The following ADGRB3 variants were observed in gnomAD, a reference collection of about 807,000 sequenced individuals.
The protein encoded by ADGRB3 is brain-specific angiogenesis inhibitor 3.
ADGRB3 carries 37 observed loss-of-function variants against 193.4 expected under a neutral mutation model. That is an observed-to-expected ratio of 0.19 (90% CI 0.15 to 0.25). ADGRB3 has a LOEUF of 0.25. Ranked by LOEUF, ADGRB3 falls within the 10% of genes least tolerant of loss-of-function variation. ADGRB3 has a pLI of 1.00. For missense variants in ADGRB3, 1,637 were observed against 1,852.9 expected (o/e 0.88, Z 2.14); for synonymous variants, 690 against 644.2 (o/e 1.07, Z -1.08).
chr6:69,341,720 T>C (rs1768976942), intron 26 of ADGRB3, among the ~76,000 whole-genome samples: 1 of 152,168 alleles, frequency 6.6e-6, no homozygotes, highest in Non-Finnish European at 1.5e-5. Flanking sequence ...TTATGGGTCT[T>C]CTATATTAAT....
intron 10 of ADGRB3, among the ~76,000 whole-genome samples, chr6:68,984,175 T>C (rs1769006665): frequency 6.6e-6 from 1 of 152,074 alleles, no homozygotes; most frequent in African/African-American, 2.4e-5. Context: ...TTTGATTAGA[T>C]CTAATTAAAG....
chr6:69,303,661 T>G (rs1375919063), intron 20 of ADGRB3, among the ~76,000 whole-genome samples: 1 of 151,946 alleles, frequency 6.6e-6, no homozygotes, highest in Non-Finnish European at 1.5e-5. Flanking sequence ...CCGCCTAATC[T>G]GAAACTTAAA....
chr6:69,274,368 C>G (rs2127280846), intron 20 of ADGRB3, among the ~76,000 whole-genome samples: 1 of 152,284 alleles, frequency 6.6e-6, no homozygotes, highest in South Asian at 2.1e-4. Flanking sequence ...TGTTAGAGTT[C>G]ATTACCGAAG....
At chr6:69,232,336 A>C in intron 17 of ADGRB3, 1 of 1,199,088 alleles carries the variant, frequency 8.3e-7, no homozygotes, top group Admixed American at 3.3e-5. Flanking sequence ...GTTCTCCCCC[A>C]TCCCCCCCAC....
chr6:69,066,870 G>T (rs1297265683), intron 16 of ADGRB3, among the ~76,000 whole-genome samples: 1 of 151,928 alleles, frequency 6.6e-6, no homozygotes, highest in Non-Finnish European at 1.5e-5. Flanking sequence ...ATTCTTGAGG[G>T]CCAATGAGTG....
chr6:69,183,188 A>C (rs978984818), intron 17 of ADGRB3, among the ~76,000 whole-genome samples: 2 of 152,030 alleles, frequency 1.3e-5, no homozygotes, highest in Non-Finnish European at 2.9e-5. Context: ...GTTTTGGTTA[A>C]ATTTGAAATT....
chr6:69,360,718 T>C (rs1769431544), intron 28 of ADGRB3, 151 bp from the exon 29 acceptor site: 1 of 786,884 alleles, frequency 1.3e-6, no homozygotes, highest in African/African-American at 1.8e-5. Flanking sequence ...CTGGACCATG[T>C]ACAAACAAAT....
chr6:68,993,889 C>A lies in ADGRB3; in HGVS notation c.1856C>A (p.Ser619Tyr), dbSNP rs750135237. 6.2e-7 allele frequency: 1 copy of A among 1,613,924 alleles called. No homozygotes were observed. Among genetic ancestry groups the A allele is most frequent in the Non-Finnish European group, 8.5e-7 (1 of 1,179,878 alleles). Reference protein sequence around the residue: ...KNFYAGDLLMSVEILRNVTDT... With the variant: ...KNFYAGDLLMYVEILRNVTDT... ...TTCTATGCAGGCGATCTTCTGATGT[C>A]TGTGGAGATCCTGAGAAATGTGACA... The change falls in exon 11 of 32, where the codon TCT becomes TAT. Residue 619 changes from serine to tyrosine, a missense_variant. Ser to Tyr is a moderately radical substitution (Grantham distance 144). This residue lies in a region of ADGRB3 where 641 missense variants were observed against 673.9 expected (regional missense o/e 0.95). Coordinates refer to ENST00000370598, the MANE Select transcript of ADGRB3 (RefSeq NM_001704.3).
chr6:68,996,939 A>G (rs1769401874), intron 11 of ADGRB3, among the ~76,000 whole-genome samples: 1 of 152,328 alleles, frequency 6.6e-6, no homozygotes, highest in South Asian at 2.1e-4. Context: ...AGAGGTATCC[A>G]TGAACTTTTT....
At chr6:68,666,850 G>A (rs1768814109) in intron 3 of ADGRB3, among the ~76,000 whole-genome samples, 1 of 151,538 alleles carries the variant, frequency 6.6e-6, no homozygotes, top group African/African-American at 2.4e-5. Context: ...AATTTTAGTG[G>A]CCAATGATTG....
At chr6:68,876,691 CA>C (rs1299392840) in intron 3 of ADGRB3, among the ~76,000 whole-genome samples, 2 of 151,924 alleles carry the variant, frequency 1.3e-5, no homozygotes, top group Admixed American at 6.6e-5. Context: ...ATGGATGTAC[CA>C]AAAGCAACAT....
chr6:68,649,841 C>G (rs2127280159), intron 3 of ADGRB3, among the ~76,000 whole-genome samples: 1 of 152,260 alleles, frequency 6.6e-6, no homozygotes, highest in East Asian at 1.9e-4. Flanking sequence ...TGCCCCTGTC[C>G]TCTGTTGAAG....
chr6:69,130,097 C>G (rs975452838), intron 17 of ADGRB3, among the ~76,000 whole-genome samples: 1 of 152,008 alleles, frequency 6.6e-6, no homozygotes, highest in Non-Finnish European at 1.5e-5. Flanking sequence ...AGTCCAAGAT[C>G]AAAGAGCCAA....
chr6:68,758,777 G>A (rs892769660), intron 3 of ADGRB3, among the ~76,000 whole-genome samples: 4 of 152,060 alleles, frequency 2.6e-5, no homozygotes, highest in African/African-American at 9.7e-5. Flanking sequence ...ATAGCATATG[G>A]CATTTATGTT....
chr6:68,848,562 T>A (rs1191069582), intron 3 of ADGRB3, among the ~76,000 whole-genome samples: 1 of 152,100 alleles, frequency 6.6e-6, no homozygotes, highest in African/African-American at 2.4e-5. Flanking sequence ...TTTAGTTTTT[T>A]AAAATATCTC....
At chr6:69,095,034 G>C (rs1282155538) in intron 17 of ADGRB3, among the ~76,000 whole-genome samples, 1 of 152,162 alleles carries the variant, frequency 6.6e-6, no homozygotes, top group African/African-American at 2.4e-5. Flanking sequence ...ACTTTTTCAA[G>C]CACAGAACAA....
At chr6:68,815,190 GC>G (rs1767605592) in intron 3 of ADGRB3, among the ~76,000 whole-genome samples, 1 of 152,080 alleles carries the variant, frequency 6.6e-6, no homozygotes, top group African/African-American at 2.4e-5. Context: ...CCAGTCCTTC[GC>G]GGCTCCTACT....
chr6:69,007,676 C>A (rs985657582), intron 11 of ADGRB3, among the ~76,000 whole-genome samples: 1 of 70,446 alleles, frequency 1.4e-5, no homozygotes, highest in Non-Finnish European at 3.3e-5. Context: ...ATCTCTCTCT[C>A]TCTCTCTCTC....
At chr6:69,299,714 C>A (rs926206458) in intron 20 of ADGRB3, among the ~76,000 whole-genome samples, 2 of 151,746 alleles carry the variant, frequency 1.3e-5, no homozygotes, top group Non-Finnish European at 2.9e-5. Context: ...TTATATCTAG[C>A]TTCTCTATTC....
Sources: gnomAD v4.1 joint callset for allele counts (sites outside exome capture counted in the v4.1 genomes callset) on GRCh38, gnomAD v4.1.1 for gene constraint, gnomAD v4.1.1 regional missense constraint, MANE v1.5 for transcripts, NCBI Gene and HGNC (gene_info 2026-07-23, HGNC 2026-07-21) for gene names.